MAPK10: variants seen among roughly 807,000 people sequenced by gnomAD.
The protein encoded by MAPK10 is JNK3 alpha protein kinase.
Under a neutral mutation model 59.3 loss-of-function variants are expected in MAPK10, and 25 were observed. The ratio of observed to expected loss-of-function variants is 0.42; its 90% CI spans 0.31 to 0.59. The LOEUF is 0.59. MAPK10 is among the 20% of genes least tolerant of loss of function. The probability of loss-of-function intolerance (pLI) is 0.15; values close to 1 mark genes in which losing one functional copy is unlikely to be tolerated. For missense variants in MAPK10, 351 were observed against 568.9 expected, an observed-to-expected ratio of 0.62 and a Z score of 3.90; for synonymous variants, 190 against 200.5, an observed-to-expected ratio of 0.95 and a Z score of 0.44.
At position 86,213,198 on chromosome 4, in the gene MAPK10, A is replaced by C. The variant is rs185988881; in HGVS notation, c.-6-18791T>G. On this transcript the variant is annotated intron_variant, in intron 2 of 13. Transcript: ENST00000641462. ...TAACAAAACCTATAAGCCACCACAA[A>C]AGCAATGCTAAGGGAGAAATTTAGA... 9.2e-5 allele frequency among the ~76,000 whole-genome samples: 14 copies of C among 152,250 alleles called. No homozygotes were observed. In the East Asian group the frequency reaches 2.3e-3, roughly 25 times the overall value.
At chr4:86,055,629 T>C (rs77123347) in intron 11 of MAPK10, among the ~76,000 whole-genome samples, 5,705 of 149,832 alleles carry the variant, frequency 0.038, 726 homozygotes, top group African/African-American at 0.12. Context: ...TCATATTCAG[T>C]GTGATAGGCA....
At chr4:86,271,278 G>T (rs1433408080) in intron 2 of MAPK10, among the ~76,000 whole-genome samples, 1 of 151,692 alleles carries the variant, frequency 6.6e-6, no homozygotes, top group Non-Finnish European at 1.5e-5. Flanking sequence ...AATAATGTTG[G>T]TCCCTTTTTG....
intron 11 of MAPK10, among the ~76,000 whole-genome samples, chr4:86,042,877 T>G (rs1249617541): frequency 1.3e-5 from 2 of 152,110 alleles, no homozygotes; most frequent in Non-Finnish European, 2.9e-5. Context: ...GAATGCAAAT[T>G]GATTAAATTT....
chr4:86,052,240 T>C (rs1202427624), intron 11 of MAPK10, among the ~76,000 whole-genome samples: 2 of 152,144 alleles, frequency 1.3e-5, no homozygotes, highest in Non-Finnish European at 2.9e-5. Context: ...CCGAAGACAA[T>C]AAATTATTTC....
intron 3 of MAPK10, among the ~76,000 whole-genome samples, chr4:86,170,028 C>T (rs2073541456): frequency 2.6e-5 from 4 of 151,948 alleles, no homozygotes; most frequent in Admixed American, 2.0e-4. Flanking sequence ...TTTGTCACCA[C>T]CAGGCCTGCC....
At chr4:86,547,584 C>T (rs769760616) in intron 1 of MAPK10, among the ~76,000 whole-genome samples, 17 of 152,296 alleles carry the variant, frequency 1.1e-4, no homozygotes, top group Non-Finnish European at 2.1e-4. Flanking sequence ...CTAAGAGCGC[C>T]GCCCCCTGCT....
chr4:86,521,169 C>T (rs1299568618), intron 1 of MAPK10, among the ~76,000 whole-genome samples: 1 of 152,206 alleles, frequency 6.6e-6, no homozygotes, highest in Non-Finnish European at 1.5e-5. Context: ...GTGGAATTAG[C>T]TGTTGTTTTC....
intron 2 of MAPK10, among the ~76,000 whole-genome samples, chr4:86,224,329 G>A (rs1359703221): frequency 6.6e-6 from 1 of 152,164 alleles, no homozygotes; most frequent in African/African-American, 2.4e-5. Flanking sequence ...ATGTTAATAT[G>A]TTATATGAAC....
intron 1 of MAPK10, among the ~76,000 whole-genome samples, chr4:86,533,565 C>T (rs1029118681): frequency 1.3e-5 from 2 of 152,162 alleles, no homozygotes; most frequent in African/African-American, 4.8e-5. Context: ...ATCTCCCCTA[C>T]TGTGATATCC....
intron 1 of MAPK10, among the ~76,000 whole-genome samples, chr4:86,435,267 C>A (rs937830854): frequency 6.6e-6 from 1 of 151,996 alleles, no homozygotes; most frequent in African/African-American, 2.4e-5. Context: ...GAGGCTGAGG[C>A]GGGCGGATTA....
intron 2 of MAPK10, among the ~76,000 whole-genome samples, chr4:86,253,349 T>C (rs2093552093): frequency 9.2e-6 from 1 of 108,390 alleles, no homozygotes; most frequent in Admixed American, 8.7e-5. Context: ...ATACGTCCCA[T>C]CAATACCTAA....
intron 2 of MAPK10, among the ~76,000 whole-genome samples, chr4:86,343,611 C>A (rs1726370726): frequency 6.6e-6 from 1 of 152,148 alleles, no homozygotes; most frequent in South Asian, 2.1e-4. Flanking sequence ...CCCTGAGTGT[C>A]CCCAAGACCT....
At chr4:86,550,176 A>G (rs2149099490) in intron 1 of MAPK10, among the ~76,000 whole-genome samples, 1 of 150,438 alleles carries the variant, frequency 6.6e-6, no homozygotes, top group African/African-American at 2.4e-5. Flanking sequence ...ATGGAAGCAC[A>G]TACATATAGA....
intron 11 of MAPK10, among the ~76,000 whole-genome samples, chr4:86,041,571 C>T (rs987404204): frequency 6.6e-6 from 1 of 152,028 alleles, no homozygotes; most frequent in African/African-American, 2.4e-5. Context: ...AAAATTTTTG[C>T]AATCTACTCA....
At chr4:86,239,791 A>C (rs2092585220) in intron 2 of MAPK10, among the ~76,000 whole-genome samples, 1 of 120,090 alleles carries the variant, frequency 8.3e-6, no homozygotes, top group African/African-American at 3.9e-5. Context: ...AATTTTTTCA[A>C]AAAAAAAAAA....
chr4:86,399,397 T>C (rs1470702186), intron 1 of MAPK10, among the ~76,000 whole-genome samples: 1 of 152,372 alleles, frequency 6.6e-6, no homozygotes. Flanking sequence ...GCCACTTGTA[T>C]GTCTTCTTTT....
intron 1 of MAPK10, among the ~76,000 whole-genome samples, chr4:86,504,066 A>C (rs1226093832): frequency 6.6e-6 from 1 of 152,088 alleles, no homozygotes. Context: ...CATTCCCCCC[A>C]GCCTACCCAG....
At chr4:86,072,357 C>T (rs1026116776) in intron 9 of MAPK10, among the ~76,000 whole-genome samples, 1 of 151,856 alleles carries the variant, frequency 6.6e-6, no homozygotes, top group Non-Finnish European at 1.5e-5. Flanking sequence ...ATTTGACTTC[C>T]TCTGTTCCTA....
intron 1 of MAPK10, among the ~76,000 whole-genome samples, chr4:86,407,553 A>C (rs891380613): frequency 5.3e-5 from 8 of 152,228 alleles, no homozygotes; most frequent in Admixed American, 5.2e-4. Context: ...GTCAAATTAC[A>C]CTTAGCATAT....
Sources: allele counts gnomAD v4.1 joint callset (sites outside exome capture counted in the v4.1 genomes callset), GRCh38; gene constraint gnomAD v4.1.1; transcripts MANE v1.5; gene names NCBI Gene and HGNC (gene_info 2026-07-23, HGNC 2026-07-21).